Variants in THADA observed in about 807,000 individuals in gnomAD.
The protein encoded by THADA is tRNA (32-2'-O)-methyltransferase regulator THADA.
In THADA, 213 loss-of-function variants were observed where a neutral mutation model predicts 219.8. The ratio of observed to expected loss-of-function variants is 0.97; its 90% confidence interval spans 0.87 to 1.09. The LOEUF is 1.09. Among genes scored for constraint, THADA ranks in the 50% least tolerant of loss-of-function variants. THADA has a pLI of 0.00. For synonymous variants in THADA, 1,018 were observed against 828.9 expected (o/e 1.23, Z -3.92); for missense variants, 2,956 against 2,311.3 (o/e 1.28, Z -5.72).
At chr2:43,467,401 A>G (rs1369679757) in intron 26 of THADA, among the ~76,000 whole-genome samples, 1 of 152,190 alleles carries the variant, frequency 6.6e-6, no homozygotes, top group Admixed American at 6.5e-5. Flanking sequence ...ATACTTACTG[A>G]GTATCACTAC....
At chr2:43,572,209 C>T (rs1033360218) in intron 12 of THADA, among the ~76,000 whole-genome samples, 1 of 152,148 alleles carries the variant, frequency 6.6e-6, no homozygotes, top group Non-Finnish European at 1.5e-5. Context: ...TTCCTGGTTT[C>T]TTTCTGCTCC....
At chr2:43,287,436 A>G (rs1243313939) in intron 34 of THADA, among the ~76,000 whole-genome samples, 3 of 152,148 alleles carry the variant, frequency 2.0e-5, no homozygotes, top group Admixed American at 6.5e-5. Flanking sequence ...CTGAAAGTAC[A>G]GGTGTGTGCC....
Position 43,333,802 on chromosome 2 carries a change from C to A in THADA, c.4343+10320G>T, listed in dbSNP as rs1052076249. Among the ~76,000 whole-genome samples the A allele has an allele frequency of 4.6e-5, 7 of 152,148 alleles. No individual in the cohort carries two copies. The East Asian group carries it at 5.8e-4, about 13-fold the overall frequency. On this transcript the variant is annotated intron_variant, in intron 30 of 37. Coordinates refer to ENST00000405975, the MANE Select transcript of THADA (RefSeq NM_022065.5). ...TTGCAGCTGTGGCAAAAGGCTGTGG[C>A]CTCTTTCTATTTCAAGTCATTGCAA...
At chr2:43,331,075 C>A (rs1423276067) in intron 30 of THADA, among the ~76,000 whole-genome samples, 2 of 152,154 alleles carry the variant, frequency 1.3e-5, no homozygotes, top group Non-Finnish European at 2.9e-5. Flanking sequence ...GCAGGTGGGT[C>A]TCCGGGCCCC....
At chr2:43,435,192 CG>C (rs1281409134) in intron 26 of THADA, among the ~76,000 whole-genome samples, 1 of 152,166 alleles carries the variant, frequency 6.6e-6, no homozygotes, top group Non-Finnish European at 1.5e-5. Context: ...CAGCGGCTCA[CG>C]ACTGTAATCC....
chr2:43,534,102 A>G lies in THADA; in HGVS notation c.3265-6114T>C, dbSNP rs1694244883. ...TATTTTTTATAAAGATGGATTTACA[A>G]TAACATCAAAAATTAAAATGCACCT... On this transcript the variant is annotated intron_variant, in intron 21 of 37. Coordinates refer to ENST00000405975, the MANE Select transcript of THADA (RefSeq NM_022065.5). Among the ~76,000 whole-genome samples the G allele has an allele frequency of 2.0e-5, 3 of 152,202 alleles. No homozygotes were observed. In the South Asian group the frequency reaches 6.2e-4, roughly 31 times the overall value.
At chr2:43,455,049 A>G (rs766538548) in intron 26 of THADA, among the ~76,000 whole-genome samples, 32 of 152,134 alleles carry the variant, frequency 2.1e-4, no homozygotes, top group Admixed American at 8.5e-4. Context: ...GCTACTTGAT[A>G]ATTTTCTGCC....
At chr2:43,519,920 C>T (rs1420429954) in intron 22 of THADA, among the ~76,000 whole-genome samples, 2 of 152,138 alleles carry the variant, frequency 1.3e-5, no homozygotes, top group Non-Finnish European at 2.9e-5. Flanking sequence ...TGTCTGCTCC[C>T]CAGCAAGGAA....
rs1315997335 is a variant in THADA at position 43,574,818 on chromosome 2, T to C, written c.1247A>G (p.Lys416Arg). 5 of 1,613,916 alleles carry C rather than the reference T, an allele frequency of 3.1e-6. No homozygotes were observed. The highest frequency in any genetic ancestry group is 1.3e-5 in the African/African-American group (1 of 74,934). Reference sequence around the variant, plus strand: ...GAGCCGGTGCATTTGGAGAAGGTTTTTGAACATGATTTTGGTTTGGTGTCT... The same window carrying C: ...GAGCCGGTGCATTTGGAGAAGGTTTCTGAACATGATTTTGGTTTGGTGTCT... ...ALRHQTKIMF[K>R]NLLQMHRLTV... The change falls in exon 11 of 38, where the codon AAA becomes AGA. Residue 416 changes from lysine to arginine, a missense_variant. Physicochemically the swap from Lys to Arg is conservative, Grantham distance 26. Transcript: ENST00000405975.
intron 36 of THADA, among the ~76,000 whole-genome samples, chr2:43,245,419 C>T (rs1416205864): frequency 1.4e-4 from 22 of 152,120 alleles, no homozygotes; most frequent in African/African-American, 4.3e-4. Context: ...GTGATCCACC[C>T]GCCTTGGCCT....
chr2:43,342,469 ACACTTTAGGTT>A (rs1667167775), intron 30 of THADA, among the ~76,000 whole-genome samples: 1 of 152,164 alleles, frequency 6.6e-6, no homozygotes, highest in Non-Finnish European at 1.5e-5. Context: ...CTTGTGCCTT[ACACTTTAGGTT>A]CCAGAGGGCT....
At chr2:43,384,939 T>C (rs1372256178) in intron 29 of THADA, among the ~76,000 whole-genome samples, 1 of 151,930 alleles carries the variant, frequency 6.6e-6, no homozygotes, top group African/African-American at 2.4e-5. Context: ...TCAGGAGTTC[T>C]AGATAAGCCG....
At chr2:43,586,814 G>C (rs778718880) in intron 5 of THADA, 40 bp downstream of exon 5, 13 of 1,611,826 alleles carry the variant, frequency 8.1e-6, no homozygotes, top group Admixed American at 1.7e-5. Flanking sequence ...TGTGATGAGA[G>C]GGGTTAGCCA....
At chr2:43,371,238 T>A (rs1160103367) in intron 29 of THADA, among the ~76,000 whole-genome samples, 2 of 152,226 alleles carry the variant, frequency 1.3e-5, no homozygotes, top group Non-Finnish European at 2.9e-5. Context: ...TATAATTCCT[T>A]AAATTATCAA....
intron 26 of THADA, among the ~76,000 whole-genome samples, chr2:43,448,050 A>G (rs1336168329): frequency 6.6e-6 from 1 of 152,226 alleles, no homozygotes. Context: ...CTTTAAAGCA[A>G]TGGATTACTT....
chr2:43,316,978 C>T (rs13035011), intron 31 of THADA, among the ~76,000 whole-genome samples: 30,183 of 152,148 alleles, frequency 0.2, 3,197 homozygotes, highest in Middle Eastern at 0.26. Flanking sequence ...TATTCTGTGC[C>T]ATGCAAAGCA....
rs186465776 is a variant in THADA, at chr2:43,278,313, C to G, written c.5296+1452G>C. On this transcript the variant is annotated intron_variant, in intron 36 of 37. Transcript: ENST00000405975. ...CTAACTTCTGATTAAAGAAAAAAAT[C>G]AGGGTGATTCTCAGTCCTCAGCTAC... Among the ~76,000 whole-genome samples, 11 of 152,194 alleles carry G rather than the reference C, an allele frequency of 7.2e-5. No homozygotes were observed. The East Asian group carries it at 2.1e-3, about 29-fold the overall frequency.
In THADA at chr2:43,595,952, G is replaced by A. The variant is rs1309472092; in HGVS notation, c.-46C>T. On this transcript the variant is annotated 5_prime_UTR_variant, in exon 1 of 38. Transcript: ENST00000405975. ...AAACCTCGTGCACGTCGGCGTCTGA[G>A]AAGAGTCGCAGGCGCCTGGTCCAGT... The A allele has an allele frequency of 2.6e-5, 4 of 152,340 alleles. No homozygotes were observed. The highest frequency in any genetic ancestry group is 9.6e-5 in the African/African-American group (4 of 41,454). The allele number at this position is 152,340 out of a possible 1,614,324, so 9.4% of individuals were successfully genotyped here. A position where few individuals can be genotyped will look rare whatever the true frequency, so the allele number is the denominator to read the frequency against.
chr2:43,424,645 T>C (rs1228624288), intron 28 of THADA, among the ~76,000 whole-genome samples: 2 of 152,348 alleles, frequency 1.3e-5, no homozygotes, highest in East Asian at 3.9e-4. Flanking sequence ...TTTATCACAT[T>C]CACTGCTTTT....
Sources: allele counts gnomAD v4.1 joint callset (sites outside exome capture counted in the v4.1 genomes callset), GRCh38; gene constraint gnomAD v4.1.1; transcripts MANE v1.5; gene names NCBI Gene and HGNC (gene_info 2026-07-23, HGNC 2026-07-21).